The following ANKS1B variants were observed in gnomAD, a reference collection of about 807,000 sequenced individuals.
ANKS1B encodes the protein ankyrin repeat and sterile alpha motif domain containing 1B, also known as ankyrin repeat and sterile alpha motif domain-containing protein 1B.
ANKS1B carries 36 observed loss-of-function variants against 148.3 expected under a neutral mutation model. That is an observed-to-expected ratio of 0.24 (90% CI 0.19 to 0.32). The LOEUF (loss-of-function observed/expected upper bound fraction) is 0.32, where lower values mean the gene tolerates loss of function less well. Ranked by LOEUF, ANKS1B falls within the 10% of genes least tolerant of loss-of-function variation. The pLI is 1.00. For synonymous variants in ANKS1B, 542 were observed against 560.8 expected, an observed-to-expected ratio of 0.97 and a Z score of 0.47; for missense variants, 1,157 against 1,542.6, an observed-to-expected ratio of 0.75 and a Z score of 4.19.
At chr12:99,562,741 A>G (rs938913066) in intron 9 of ANKS1B, among the ~76,000 whole-genome samples, 6 of 152,218 alleles carry the variant, frequency 3.9e-5, no homozygotes, top group Non-Finnish European at 1.5e-5. Context: ...TGAGAAGAGT[A>G]GCATGGAGGT....
chr12:99,797,388 A>G (rs953915142), intron 4 of ANKS1B, among the ~76,000 whole-genome samples: 1 of 151,936 alleles, frequency 6.6e-6, no homozygotes. Context: ...GAAAAATTCT[A>G]TTCTTGTGAA....
At chr12:99,128,990 C>A (rs1211146469) in intron 15 of ANKS1B, among the ~76,000 whole-genome samples, 2 of 152,140 alleles carry the variant, frequency 1.3e-5, no homozygotes, top group East Asian at 1.9e-4. Context: ...GAGGATGGAG[C>A]AGGTGGGGCC....
At chr12:99,079,305 T>C (rs957493160) in intron 16 of ANKS1B, among the ~76,000 whole-genome samples, 1 of 152,128 alleles carries the variant, frequency 6.6e-6, no homozygotes, top group African/African-American at 2.4e-5. Context: ...ACAGCAAAAA[T>C]TTTTTTAGCC....
chr12:99,422,784 T>TAA (rs1201592750), intron 11 of ANKS1B, among the ~76,000 whole-genome samples: 2 of 152,118 alleles, frequency 1.3e-5, no homozygotes, highest in East Asian at 3.9e-4. Context: ...TTGAGTACAT[T>TAA]AAAATGCTGA....
intron 15 of ANKS1B, among the ~76,000 whole-genome samples, chr12:99,098,694 T>C (rs1159232802): frequency 6.8e-6 from 1 of 146,328 alleles, no homozygotes; most frequent in East Asian, 2.1e-4. Context: ...TAGTTTCATG[T>C]TGTTTTTGCT....
intron 17 of ANKS1B, among the ~76,000 whole-genome samples, chr12:98,919,299 T>C (rs2099798321): frequency 6.6e-6 from 1 of 152,202 alleles, no homozygotes; most frequent in Non-Finnish European, 1.5e-5. Context: ...AAAAATCTAA[T>C]CTGTGTTAAT....
intron 15 of ANKS1B, among the ~76,000 whole-genome samples, chr12:99,126,054 A>T (rs1455762682): frequency 6.6e-6 from 1 of 152,198 alleles, no homozygotes; most frequent in Non-Finnish European, 1.5e-5. Flanking sequence ...AGTTCTTGGT[A>T]TGATGTATTT....
chr12:99,580,414 C>A (rs867422071), intron 9 of ANKS1B, among the ~76,000 whole-genome samples: 41 of 151,986 alleles, frequency 2.7e-4, no homozygotes, highest in Middle Eastern at 3.4e-3. Context: ...AAAAATATGA[C>A]CTATTAGGGA....
intron 10 of ANKS1B, among the ~76,000 whole-genome samples, chr12:99,481,197 G>A (rs565531802): frequency 1.3e-5 from 2 of 151,528 alleles, no homozygotes; most frequent in East Asian, 3.9e-4. Flanking sequence ...TCACCCTCCT[G>A]CTTCTGAGTC....
intron 1 of ANKS1B, among the ~76,000 whole-genome samples, chr12:99,967,302 T>C (rs1001576264): frequency 1.3e-5 from 2 of 152,180 alleles, no homozygotes; most frequent in African/African-American, 2.4e-5. Context: ...TGTTATCACC[T>C]CCACTTTATA....
chr12:99,467,527 T>C (rs1334354014), intron 10 of ANKS1B, among the ~76,000 whole-genome samples: 1 of 152,210 alleles, frequency 6.6e-6, no homozygotes, highest in African/African-American at 2.4e-5. Flanking sequence ...CATGATTGTA[T>C]ATCTAGAAAA....
At chr12:99,453,093 A>G (rs1174529707) in intron 10 of ANKS1B, among the ~76,000 whole-genome samples, 14 of 152,160 alleles carry the variant, frequency 9.2e-5, no homozygotes, top group East Asian at 7.8e-4. Flanking sequence ...GATCGAGACC[A>G]TCCTGGCTAA....
intron 12 of ANKS1B, among the ~76,000 whole-genome samples, chr12:99,361,306 T>C (rs916328402): frequency 1.3e-5 from 2 of 152,256 alleles, no homozygotes; most frequent in Admixed American, 6.5e-5. Flanking sequence ...TTGTGGTTTG[T>C]CATCACAGAA....
intron 2 of ANKS1B, among the ~76,000 whole-genome samples, chr12:99,822,991 G>A (rs1483948629): frequency 6.6e-6 from 1 of 151,978 alleles, no homozygotes; most frequent in Non-Finnish European, 1.5e-5. Flanking sequence ...CATTCTGACT[G>A]GTGTGAAATG....
At chr12:99,379,646 G>C (rs1204138363) in intron 12 of ANKS1B, among the ~76,000 whole-genome samples, 1 of 152,128 alleles carries the variant, frequency 6.6e-6, no homozygotes, top group Non-Finnish European at 1.5e-5. Flanking sequence ...CTTTGGAAGT[G>C]ATTACACAAG....
intron 1 of ANKS1B, among the ~76,000 whole-genome samples, chr12:99,866,908 G>C (rs1028543591): frequency 2.6e-5 from 4 of 151,966 alleles, no homozygotes; most frequent in Non-Finnish European, 4.4e-5. Flanking sequence ...GATTTATTTT[G>C]GGTTTTATGT....
intron 12 of ANKS1B, among the ~76,000 whole-genome samples, chr12:99,308,971 T>C (rs1181143319): frequency 2.7e-5 from 4 of 150,512 alleles, no homozygotes; most frequent in African/African-American, 9.7e-5. Flanking sequence ...ATATAACATA[T>C]ACACTGTATG....
At chr12:99,035,904 G>A (rs1330294738) in intron 17 of ANKS1B, among the ~76,000 whole-genome samples, 1 of 152,164 alleles carries the variant, frequency 6.6e-6, no homozygotes, top group Non-Finnish European at 1.5e-5. Flanking sequence ...AGGTCTTTGT[G>A]GTTTGGTCTG....
At chr12:99,017,811 G>A (rs1170927055) in intron 17 of ANKS1B, among the ~76,000 whole-genome samples, 1 of 152,186 alleles carries the variant, frequency 6.6e-6, no homozygotes, top group African/African-American at 2.4e-5. Context: ...GGTCTGTGCA[G>A]TGTACAGTGC....
Sources: gnomAD v4.1 joint callset for allele counts (sites outside exome capture counted in the v4.1 genomes callset) on GRCh38, gnomAD v4.1.1 for gene constraint, MANE v1.5 for transcripts, NCBI Gene and HGNC (gene_info 2026-07-23, HGNC 2026-07-21) for gene names.